The following ESRRG variants were observed in gnomAD, a reference collection of about 807,000 sequenced individuals.
ESRRG encodes estrogen related receptor gamma, also known as estrogen-related receptor gamma.
A neutral mutation model predicts 44.0 loss-of-function variants in ESRRG; 13 were observed. The observed-to-expected ratio is 0.30, with a 90% CI of 0.19 to 0.47. The LOEUF (loss-of-function observed/expected upper bound fraction) is 0.47. ESRRG is among the 20% of genes least tolerant of loss of function. The probability of loss-of-function intolerance (pLI) is 1.00; values close to 1 mark genes in which losing one functional copy is unlikely to be tolerated. For synonymous variants in ESRRG, 215 were observed against 214.6 expected (o/e 1.00, Z -0.02); for missense variants, 395 against 580.6 (o/e 0.68, Z 3.29).
intron 1 of ESRRG, among the ~76,000 whole-genome samples, chr1:216,986,590 G>A (rs2150454064): frequency 6.6e-6 from 1 of 151,830 alleles, no homozygotes. Context: ...AGCCTGGAGT[G>A]GCGGGGCATG....
chr1:216,605,499 A>G (rs1299682258), intron 3 of ESRRG, among the ~76,000 whole-genome samples: 1 of 152,202 alleles, frequency 6.6e-6, no homozygotes. Flanking sequence ...GAATAGCATC[A>G]ACATCTCCCT....
exon 2 of ESRRG, chr1:216,939,672 C>T (rs1292758923): frequency 6.7e-6 from 1 of 150,002 alleles, no homozygotes; most frequent in African/African-American, 2.5e-5. Flanking sequence ...AAATTGTCAG[C>T]TCTATTCATT....
intron 1 of ESRRG, among the ~76,000 whole-genome samples, chr1:216,698,142 C>T (rs959076630): frequency 2.6e-5 from 4 of 151,992 alleles, no homozygotes; most frequent in African/African-American, 7.2e-5. Context: ...TGAGGGAAAA[C>T]GGGAAAGGAA....
intron 1 of ESRRG, among the ~76,000 whole-genome samples, chr1:217,074,452 C>CG (rs1553274510): frequency 2.9e-5 from 4 of 138,612 alleles, no homozygotes; most frequent in Non-Finnish European, 6.3e-5. Context: ...CCACCCCCCC[C>CG]AAAAAAAAAA....
chr1:216,995,617 G>C (rs1428050304), intron 1 of ESRRG, among the ~76,000 whole-genome samples: 1 of 152,138 alleles, frequency 6.6e-6, no homozygotes, highest in Non-Finnish European at 1.5e-5. Flanking sequence ...AGGGTATCCT[G>C]ATCCTTCCAA....
chr1:217,048,694 A>G (rs2085343631), intron 1 of ESRRG, among the ~76,000 whole-genome samples: 1 of 152,170 alleles, frequency 6.6e-6, no homozygotes, highest in African/African-American at 2.4e-5. Flanking sequence ...ATCTGGAGAG[A>G]CTAGGATATG....
intron 2 of ESRRG, chr1:216,862,750 T>C (rs968527864): frequency 8.5e-5 from 13 of 152,068 alleles, no homozygotes; most frequent in Non-Finnish European, 1.6e-4. Context: ...AGTAGGTCAG[T>C]AAAGGGGTCA....
At chr1:216,716,584 A>T (rs898361597) in intron 1 of ESRRG, among the ~76,000 whole-genome samples, 1 of 151,976 alleles carries the variant, frequency 6.6e-6, no homozygotes, top group Non-Finnish European at 1.5e-5. Flanking sequence ...AACCAAAATG[A>T]TGAAAAGTAT....
chr1:216,992,804 G>A (rs1041348938), intron 1 of ESRRG, among the ~76,000 whole-genome samples: 1 of 152,138 alleles, frequency 6.6e-6, no homozygotes, highest in East Asian at 1.9e-4. Context: ...TATGATGACA[G>A]TGATTATAAC....
chr1:217,021,166 A>G (rs908994896), intron 1 of ESRRG, among the ~76,000 whole-genome samples: 14 of 152,116 alleles, frequency 9.2e-5, no homozygotes, highest in Non-Finnish European at 2.1e-4. Context: ...CTAATGATCC[A>G]TCTGCTGTTC....
At chr1:216,853,487 T>C (rs1488370507) in intron 2 of ESRRG, among the ~76,000 whole-genome samples, 1 of 152,216 alleles carries the variant, frequency 6.6e-6, no homozygotes, top group Non-Finnish European at 1.5e-5. Flanking sequence ...ATACTCAGTT[T>C]CTACACACAC....
intron 2 of ESRRG, among the ~76,000 whole-genome samples, chr1:216,779,335 A>G (rs1190743145): frequency 1.1e-5 from 1 of 94,066 alleles, no homozygotes; most frequent in Non-Finnish European, 1.9e-5. Flanking sequence ...ATATATATTT[A>G]TATTTATAAA....
intron 2 of ESRRG, among the ~76,000 whole-genome samples, chr1:216,847,078 A>G (rs2095763037): frequency 6.6e-6 from 1 of 152,076 alleles, no homozygotes; most frequent in Non-Finnish European, 1.5e-5. Flanking sequence ...GTGTAAAATG[A>G]GTAAGATAAG....
At chr1:217,032,800 G>T (rs2082265299) in intron 1 of ESRRG, among the ~76,000 whole-genome samples, 1 of 152,212 alleles carries the variant, frequency 6.6e-6, no homozygotes, top group Non-Finnish European at 1.5e-5. Context: ...TTTGGGAAAA[G>T]ATGGTGTCAT....
chr1:216,530,295 T>G (rs1436895305), intron 5 of ESRRG, among the ~76,000 whole-genome samples: 1 of 133,890 alleles, frequency 7.5e-6, no homozygotes, highest in African/African-American at 2.8e-5. Flanking sequence ...TATAGATAGA[T>G]ATATTAAGGT....
At chr1:216,652,173 C>A (rs1392607920) in intron 2 of ESRRG, among the ~76,000 whole-genome samples, 1 of 152,142 alleles carries the variant, frequency 6.6e-6, no homozygotes, top group Non-Finnish European at 1.5e-5. Flanking sequence ...ACGGTCCGAG[C>A]ATAATTGCAA....
chr1:216,952,308 T>C (rs1194444083), intron 1 of ESRRG, among the ~76,000 whole-genome samples: 3 of 152,162 alleles, frequency 2.0e-5, no homozygotes, highest in African/African-American at 7.2e-5. Flanking sequence ...CAAGGCTTAG[T>C]GTAGAAGAGA....
At chr1:216,930,501 C>T (rs898971731) in intron 2 of ESRRG, among the ~76,000 whole-genome samples, 11 of 152,286 alleles carry the variant, frequency 7.2e-5, no homozygotes, top group African/African-American at 2.2e-4. Flanking sequence ...GCCTCTGCTG[C>T]CCATGGGTCT....
chr1:216,666,772 G>T (rs4532915), intron 2 of ESRRG, among the ~76,000 whole-genome samples: 31,550 of 152,174 alleles, frequency 0.21, 4,195 homozygotes, highest in Non-Finnish European at 0.3. Context: ...GCAAAAGGCA[G>T]AAAAGTCAAT....
Sources: gnomAD v4.1 joint callset for allele counts (sites outside exome capture counted in the v4.1 genomes callset) on GRCh38, gnomAD v4.1.1 for gene constraint, MANE v1.5 for transcripts, NCBI Gene and HGNC (gene_info 2026-07-23, HGNC 2026-07-21) for gene names.